Variants in LCOR observed in about 807,000 individuals in gnomAD.
LCOR encodes the protein ligand dependent nuclear receptor corepressor.
A neutral mutation model predicts 64.4 loss-of-function variants in LCOR; 14 were observed. That is an observed-to-expected ratio of 0.22 (90% confidence interval 0.14 to 0.34). LCOR has a LOEUF of 0.34. Among genes scored for constraint, LCOR ranks in the 10% least tolerant of loss-of-function variants. LCOR has a pLI of 1.00. For missense variants in LCOR, 1,686 were observed against 1,765.3 expected (o/e 0.96, Z 0.80); for synonymous variants, 643 against 642.5 (o/e 1.00, Z -0.01).
At chr10:96,937,440 G>A (rs562194953) in intron 4 of LCOR, among the ~76,000 whole-genome samples, 1 of 152,270 alleles carries the variant, frequency 6.6e-6, no homozygotes, top group Non-Finnish European at 1.5e-5. Context: ...AACAAGTATT[G>A]AGATTAAATT....
intron 4 of LCOR, among the ~76,000 whole-genome samples, chr10:96,942,290 A>T (rs1367617390): frequency 6.6e-6 from 1 of 151,556 alleles, no homozygotes; most frequent in Non-Finnish European, 1.5e-5. Flanking sequence ...AAAAAAAACG[A>T]AAACCAGTCA....
chr10:96,872,191 C>T (rs1276474427), intron 2 of LCOR, among the ~76,000 whole-genome samples: 1 of 152,248 alleles, frequency 6.6e-6, no homozygotes, highest in Non-Finnish European at 1.5e-5. Flanking sequence ...GGTGTGAACT[C>T]TATTGTGAGG....
chr10:96,852,940 T>C (rs1465333809), intron 2 of LCOR, among the ~76,000 whole-genome samples: 3 of 152,228 alleles, frequency 2.0e-5, no homozygotes, highest in Non-Finnish European at 4.4e-5. Context: ...ACATCTAAAC[T>C]TTGTTGAAGT....
chr10:96,911,572 T>C (rs182482367), intron 4 of LCOR, among the ~76,000 whole-genome samples: 2 of 152,214 alleles, frequency 1.3e-5, no homozygotes, highest in Non-Finnish European at 2.9e-5. Flanking sequence ...ACATGGAAAG[T>C]GGAGAGCAAG....
At position 96,992,436 on chromosome 10, in the gene LCOR, G is replaced by A. The variant is rs1417586670; in HGVS notation, c.*7302G>A. 6.6e-6 allele frequency: 1 copy of A among 152,224 alleles called. No homozygotes were observed. Among genetic ancestry groups the A allele is most frequent in the Non-Finnish European group, 1.5e-5 (1 of 68,036 alleles). The allele number at this position is 152,224 out of a possible 1,614,324, so 9.4% of individuals were successfully genotyped here. A position where few individuals can be genotyped will look rare whatever the true frequency, so the allele number is the denominator to read the frequency against. ...AACCATTGAGCCCCCAAACAACAGT[G>A]AAAGCAGAAAGGTGTGGCCTTGAAA... On this transcript the variant is annotated 3_prime_UTR_variant, in exon 8 of 8. Transcript: ENST00000421806.
At chr10:96,920,706 G>GTGTATATATGCATATATATTCATATA (rs1564626436) in intron 4 of LCOR, among the ~76,000 whole-genome samples, 1 of 134,130 alleles carries the variant, frequency 7.5e-6, no homozygotes, top group African/African-American at 3.3e-5. Context: ...GTTCATATAT[G>GTGTATATATGCATATATATTCATATA]TGTGTATATA....
At position 96,832,405 on chromosome 10, in the gene LCOR, ACCCTCCGCCGACCGCCGCCGC is replaced by A. The variant is rs1845350219; in HGVS notation, c.-404+14_-404+34del. On this transcript the variant is annotated splice_region_variant and intron_variant, in intron 1 of 7. Transcript: ENST00000421806. ...CAAGCTCATTCACTGTGTAGGTGAG[ACCCTCCGCCGACCGCCGCCGC>A]CCCTCCGGCCGCCCCGCCGCCGGTC... is the stretch of plus-strand genomic sequence containing the variant. 9 of 979,098 alleles carry A rather than the reference ACCCTCCGCCGACCGCCGCCGC, an allele frequency of 9.2e-6. No homozygotes were observed. In the South Asian group the frequency reaches 4.1e-4, roughly 45 times the overall value. 60.7% of individuals were successfully genotyped at this position (979,098 alleles called of 1,614,324 possible). A position where few individuals can be genotyped will look rare whatever the true frequency, so the allele number is the denominator to read the frequency against.
intron 2 of LCOR, among the ~76,000 whole-genome samples, chr10:96,879,015 C>A (rs1185396333): frequency 6.6e-6 from 1 of 151,982 alleles, no homozygotes. Context: ...AGGCTGGTCT[C>A]GAACTCCTGA....
At chr10:96,908,779 G>A (rs1263780192) in intron 4 of LCOR, among the ~76,000 whole-genome samples, 2 of 151,298 alleles carry the variant, frequency 1.3e-5, no homozygotes, top group African/African-American at 2.4e-5. Flanking sequence ...GCAGTGGCGC[G>A]ATCTCTGCTC....
chr10:96,899,368 A>G (rs563898403), intron 2 of LCOR, among the ~76,000 whole-genome samples: 340 of 152,262 alleles, frequency 2.2e-3, no homozygotes, highest in Non-Finnish European at 4.3e-3. Context: ...GTATCCCCAC[A>G]CTGCTGAGCT....
At chr10:96,856,852 C>CAA (rs777700896) in intron 2 of LCOR, among the ~76,000 whole-genome samples, 2 of 111,968 alleles carry the variant, frequency 1.8e-5, no homozygotes, top group African/African-American at 3.4e-5. Context: ...GTAGACAATG[C>CAA]AAAAAAAAAA....
rs181387716 is a variant in LCOR, at chr10:96,917,039, C to T, written c.-184+9292C>T. On this transcript the variant is annotated intron_variant, in intron 4 of 7. Transcript: ENST00000421806. Reference sequence around the variant, plus strand: ...TCTAACCTTGTTAAATTTCCAGAGACGTTTGGTATAGATTATTTAGGATTA... The same window carrying T: ...TCTAACCTTGTTAAATTTCCAGAGATGTTTGGTATAGATTATTTAGGATTA... Among the ~76,000 whole-genome samples the T allele has an allele frequency of 1.2e-3, 182 of 152,236 alleles. 1 individual carries two copies. The highest frequency in any genetic ancestry group is 3.3e-3 in the Admixed American group (51 of 15,296).
intron 4 of LCOR, among the ~76,000 whole-genome samples, chr10:96,909,554 G>A (rs1350682726): frequency 2.0e-5 from 3 of 152,154 alleles, no homozygotes; most frequent in African/African-American, 7.2e-5. Flanking sequence ...CTAAAAACTA[G>A]ACAGACCATG....
chr10:96,951,291 T>C (rs1242679949), intron 6 of LCOR, among the ~76,000 whole-genome samples: 1 of 152,160 alleles, frequency 6.6e-6, no homozygotes, highest in Non-Finnish European at 1.5e-5. Context: ...GAATTTGTGA[T>C]TTGGTCTAGT....
chr10:96,984,402 C>G lies in LCOR; in HGVS notation c.3942C>G (p.Ser1314=), dbSNP rs779195157. ...GTACCCGGATTCTTAGAAAATATTC[C>G]AATATTCGAGGAAAGCTCAGAGCCC... ...PASTRILRKY[S]NIRGKLRAQQ... is the part of the protein sequence containing the mutation. The change falls in exon 8 of 8, where the codon TCC becomes TCG. Residue 1314 remains serine, a synonymous_variant. Coordinates refer to ENST00000421806, the MANE Select transcript of LCOR (RefSeq NM_001346516.2). 185 of 1,614,024 alleles carry G rather than the reference C, an allele frequency of 1.1e-4. No individual in the cohort carries two copies. The highest frequency in any genetic ancestry group is 1.5e-4 in the Non-Finnish European group (179 of 1,180,030).
chr10:96,963,158 A>G (rs1288064766), intron 7 of LCOR: 1 of 152,334 alleles, frequency 6.6e-6, no homozygotes, highest in African/African-American at 2.4e-5. Context: ...GTGGCATTCT[A>G]TATATTCAGT....
At chr10:96,873,553 TCGATACACACACACACAC>T (rs1283256799) in intron 2 of LCOR, among the ~76,000 whole-genome samples, 1 of 141,462 alleles carries the variant, frequency 7.1e-6, no homozygotes, top group East Asian at 2.6e-4. Context: ...GTTTTGTTTT[TCGATACACACACACACAC>T]GTGTGTGTGT....
At chr10:96,967,054 A>G (rs967874683) in intron 7 of LCOR, among the ~76,000 whole-genome samples, 1 of 152,212 alleles carries the variant, frequency 6.6e-6, no homozygotes, top group East Asian at 1.9e-4. Flanking sequence ...GAGGTTTTGT[A>G]GGCATGTAAG....
intron 2 of LCOR, among the ~76,000 whole-genome samples, chr10:96,858,091 C>CTT (rs748250244): frequency 6.6e-6 from 1 of 152,112 alleles, no homozygotes; most frequent in Non-Finnish European, 1.5e-5. Context: ...CCCTTAATGA[C>CTT]TTTAACACAG....
Sources: gnomAD v4.1 joint callset for allele counts (sites outside exome capture counted in the v4.1 genomes callset) on GRCh38, gnomAD v4.1.1 for gene constraint, MANE v1.5 for transcripts, NCBI Gene and HGNC (gene_info 2026-07-23, HGNC 2026-07-21) for gene names.